The following RARB variants were observed in gnomAD, a reference collection of about 807,000 sequenced individuals.
RARB encodes the protein HBV-activated protein.
In RARB, 17 loss-of-function variants were observed where a neutral mutation model predicts 51.9. The observed-to-expected ratio is 0.33, with a 90% CI of 0.22 to 0.49. The LOEUF (loss-of-function observed/expected upper bound fraction) is 0.49. RARB is among the 20% of genes least tolerant of loss of function. The pLI is 0.99. For synonymous variants in RARB, 215 were observed against 195.4 expected, an observed-to-expected ratio of 1.10 and a Z score of -0.84; for missense variants, 369 against 550.8, an observed-to-expected ratio of 0.67 and a Z score of 3.30.
intron 3 of RARB, among the ~76,000 whole-genome samples, chr3:25,080,104 C>A (rs1012095256): frequency 6.6e-6 from 1 of 152,178 alleles, no homozygotes; most frequent in Non-Finnish European, 1.5e-5. Flanking sequence ...ATCCTCTCTC[C>A]CTCAGACTTT....
intron 5 of RARB, among the ~76,000 whole-genome samples, chr3:25,282,190 A>G (rs1381370355): frequency 6.6e-6 from 1 of 152,146 alleles, no homozygotes; most frequent in South Asian, 2.1e-4. Context: ...TACTGACTAT[A>G]TCTTCTACCA....
intron 5 of RARB, among the ~76,000 whole-genome samples, chr3:25,415,168 G>A (rs1168732152): frequency 1.3e-5 from 2 of 152,106 alleles, no homozygotes; most frequent in East Asian, 3.8e-4. Flanking sequence ...TATTCTTTTA[G>A]CAGAGTCTTC....
intron 2 of RARB, among the ~76,000 whole-genome samples, chr3:24,895,072 T>C (rs1703451214): frequency 6.6e-6 from 1 of 152,226 alleles, no homozygotes; most frequent in African/African-American, 2.4e-5. Context: ...ATCTGTTTTA[T>C]GGCATTTAGG....
At chr3:25,191,666 G>A (rs1260462571) in intron 5 of RARB, among the ~76,000 whole-genome samples, 1 of 152,094 alleles carries the variant, frequency 6.6e-6, no homozygotes, top group Non-Finnish European at 1.5e-5. Context: ...TGCATTGGGG[G>A]AAGACATTAA....
chr3:25,494,253 G>GCACGCGTGCGCACTCACACACACA (rs1553623182), intron 2 of RARB, among the ~76,000 whole-genome samples: 2 of 131,852 alleles, frequency 1.5e-5, no homozygotes, highest in African/African-American at 2.6e-5. Context: ...TGTATCTTAC[G>GCACGCGTGCGCACTCACACACACA]CACACACACA....
chr3:25,131,734 A>G (rs1434991766), intron 3 of RARB, among the ~76,000 whole-genome samples: 1 of 152,022 alleles, frequency 6.6e-6, no homozygotes, highest in Non-Finnish European at 1.5e-5. Context: ...GAGAAGAGAC[A>G]AGGCCCTAAA....
intron 3 of RARB, among the ~76,000 whole-genome samples, chr3:25,518,671 A>G (rs546962664): frequency 6.6e-6 from 1 of 152,280 alleles, no homozygotes; most frequent in South Asian, 2.1e-4. Flanking sequence ...TCCATTTCAA[A>G]TTCTATACTT....
At chr3:25,509,432 A>G (rs1184708093) in intron 3 of RARB, among the ~76,000 whole-genome samples, 1 of 152,216 alleles carries the variant, frequency 6.6e-6, no homozygotes, top group Non-Finnish European at 1.5e-5. Flanking sequence ...TACAGCCTTG[A>G]TTATACTTCA....
At chr3:25,189,655 G>A (rs1701051572) in intron 5 of RARB, among the ~76,000 whole-genome samples, 2 of 152,102 alleles carry the variant, frequency 1.3e-5, no homozygotes, top group Admixed American at 1.3e-4. Context: ...GAGAAGCTGA[G>A]GTGGGTGGAT....
At chr3:25,096,596 C>T (rs901228617) in intron 3 of RARB, among the ~76,000 whole-genome samples, 1 of 152,116 alleles carries the variant, frequency 6.6e-6, no homozygotes, top group African/African-American at 2.4e-5. Flanking sequence ...CTGTTTCCCT[C>T]AGGTAGTGAG....
At chr3:24,856,732 G>T (rs902521677) in intron 1 of RARB, among the ~76,000 whole-genome samples, 20 of 152,164 alleles carry the variant, frequency 1.3e-4, no homozygotes, top group African/African-American at 4.8e-4. Context: ...ACCAGGTCTT[G>T]AAGTTACAAC....
chr3:25,243,988 A>T (rs1049728544), intron 5 of RARB, among the ~76,000 whole-genome samples: 1 of 152,068 alleles, frequency 6.6e-6, no homozygotes, highest in Non-Finnish European at 1.5e-5. Context: ...CAATTTCAGA[A>T]CTTGTTATTA....
At chr3:25,454,530 G>T (rs938433440) in intron 1 of RARB, among the ~76,000 whole-genome samples, 1 of 152,174 alleles carries the variant, frequency 6.6e-6, no homozygotes, top group Non-Finnish European at 1.5e-5. Context: ...GCTGCCCAGA[G>T]AGTGCATTAA....
intron 5 of RARB, among the ~76,000 whole-genome samples, chr3:25,191,767 T>G (rs1324827568): frequency 6.6e-6 from 1 of 152,094 alleles, no homozygotes; most frequent in Admixed American, 6.6e-5. Flanking sequence ...CAGTGGAGAT[T>G]AAAATATCTA....
intron 4 of RARB, among the ~76,000 whole-genome samples, chr3:25,577,416 G>T (rs1480431982): frequency 2.0e-5 from 3 of 152,172 alleles, no homozygotes; most frequent in Non-Finnish European, 4.4e-5. Context: ...TGCAGGAATT[G>T]AATGTGGGTG....
intron 5 of RARB, among the ~76,000 whole-genome samples, chr3:25,291,522 C>T (rs1703788299): frequency 7.3e-6 from 1 of 137,728 alleles, no homozygotes; most frequent in Non-Finnish European, 1.6e-5. Context: ...TTGCCTTTTA[C>T]CCACTGCAGC....
intron 5 of RARB, among the ~76,000 whole-genome samples, chr3:25,270,449 AC>A (rs1703232342): frequency 6.6e-6 from 1 of 152,178 alleles, no homozygotes; most frequent in African/African-American, 2.4e-5. Context: ...AGATCTGTAC[AC>A]CTAAAAATTG....
intron 5 of RARB, among the ~76,000 whole-genome samples, chr3:25,588,688 T>A (rs1412544814): frequency 1.3e-5 from 2 of 152,166 alleles, no homozygotes; most frequent in Non-Finnish European, 2.9e-5. Context: ...TCTAAAGAAT[T>A]CCAGAGGCTG....
intron 5 of RARB, among the ~76,000 whole-genome samples, chr3:25,339,347 A>G (rs982936657): frequency 4.6e-5 from 7 of 152,146 alleles, no homozygotes; most frequent in Non-Finnish European, 7.3e-5. Context: ...TGGCCAGTCA[A>G]ATGTAGCCAG....
Sources: gnomAD v4.1 joint callset for allele counts (sites outside exome capture counted in the v4.1 genomes callset) on GRCh38, gnomAD v4.1.1 for gene constraint, MANE v1.5 for transcripts, NCBI Gene and HGNC (gene_info 2026-07-23, HGNC 2026-07-21) for gene names.